IPO11: variants seen among roughly 807,000 people sequenced by gnomAD.
IPO11 encodes importin 11, also known as importin-11.
IPO11 carries 66 observed loss-of-function variants against 143.2 expected under a neutral mutation model. That is an observed-to-expected ratio of 0.46 (90% CI 0.38 to 0.57). The LOEUF (loss-of-function observed/expected upper bound fraction) is 0.57. Ranked by LOEUF, IPO11 falls within the 20% of genes least tolerant of loss-of-function variation. The pLI, the probability that IPO11 is intolerant of heterozygous loss-of-function variation, is 0.00. For missense variants in IPO11, 1,026 were observed against 1,141.0 expected (o/e 0.90, Z 1.45); for synonymous variants, 385 against 377.8 (o/e 1.02, Z -0.22).
intron 29 of IPO11, among the ~76,000 whole-genome samples, chr5:62,610,252 TTC>T (rs1446120298): frequency 6.6e-6 from 1 of 152,252 alleles, no homozygotes; most frequent in East Asian, 1.9e-4. Flanking sequence ...ATCTGATTAT[TTC>T]TTTTTTCCTT....
chr5:62,570,875 A>G (rs1744110245), intron 27 of IPO11, among the ~76,000 whole-genome samples: 1 of 152,244 alleles, frequency 6.6e-6, no homozygotes, highest in African/African-American at 2.4e-5. Context: ...CTGTGATCAA[A>G]TGAGATTATT....
chr5:62,619,892 G>A (rs1746284203), intron 29 of IPO11, among the ~76,000 whole-genome samples: 1 of 151,874 alleles, frequency 6.6e-6, no homozygotes, highest in Non-Finnish European at 1.5e-5. Flanking sequence ...ACATACCACT[G>A]GATAGTGAAT....
At chr5:62,579,731 A>G (rs1019343976) in intron 27 of IPO11, 7 of 1,547,846 alleles carry the variant, frequency 4.5e-6, no homozygotes, top group Non-Finnish European at 5.2e-6. Context: ...AACATTCTGT[A>G]TGTATATCCA....
At chr5:62,487,922 T>C (rs1746468470) in intron 13 of IPO11, 61 bp downstream of exon 13, 1 of 1,397,458 alleles carries the variant, frequency 7.2e-7, no homozygotes, top group African/African-American at 1.4e-5. Flanking sequence ...TAAGAAATAG[T>C]CTGAGTGCCT....
chr5:62,513,929 C>T (rs1308348435), intron 19 of IPO11, among the ~76,000 whole-genome samples: 39 of 136,964 alleles, frequency 2.8e-4, no homozygotes, highest in African/African-American at 8.8e-4. Context: ...GCGGCCGGGC[C>T]GAGGCGCTCC....
chr5:62,428,400 G>A (rs927968172), intron 1 of IPO11, among the ~76,000 whole-genome samples: 32 of 152,000 alleles, frequency 2.1e-4, no homozygotes, highest in Admixed American at 1.8e-3. Flanking sequence ...CTGGAGTGCC[G>A]TGGTGCGATC....
chr5:62,452,951 CTA>C (rs1317444727), intron 5 of IPO11, among the ~76,000 whole-genome samples: 1 of 150,538 alleles, frequency 6.6e-6, no homozygotes, highest in African/African-American at 2.5e-5. Context: ...TGAAGTCTCA[CTA>C]TGTTACCCAT....
At chr5:62,446,592 A>C (rs1242601649) in intron 3 of IPO11, among the ~76,000 whole-genome samples, 2 of 152,214 alleles carry the variant, frequency 1.3e-5, no homozygotes, top group Non-Finnish European at 2.9e-5. Context: ...TTATTTGCAC[A>C]TTTAAAAAAA....
intron 5 of IPO11, among the ~76,000 whole-genome samples, chr5:62,459,904 ATTG>A (rs1745296821): frequency 6.6e-6 from 1 of 152,208 alleles, no homozygotes; most frequent in Non-Finnish European, 1.5e-5. Context: ...CTTTTTAGTT[ATTG>A]TTAAGAATAC....
At chr5:62,513,386 C>T (rs1442948045) in intron 19 of IPO11, among the ~76,000 whole-genome samples, 1 of 134,196 alleles carries the variant, frequency 7.5e-6, no homozygotes, top group African/African-American at 2.7e-5. Context: ...CCCTCCCGGA[C>T]GGGGCGGCTG....
At chr5:62,598,553 CTTTTTTTTT>C (rs1321125709) in intron 28 of IPO11, among the ~76,000 whole-genome samples, 4 of 8,092 alleles carry the variant, frequency 4.9e-4, no homozygotes, top group African/African-American at 4.6e-3. Context: ...TCTTTTCTTT[CTTTTTTTTT>C]TTTATGGAGT....
chr5:62,437,507 G>A, intron 2 of IPO11, 90 bp downstream of exon 2: 2 of 1,149,862 alleles, frequency 1.7e-6, no homozygotes, highest in South Asian at 3.5e-5. Context: ...TGGTAGTTTA[G>A]TGAAATAGAT....
chr5:62,532,218 G>A (rs1206169305), intron 22 of IPO11, among the ~76,000 whole-genome samples: 1 of 152,102 alleles, frequency 6.6e-6, no homozygotes, highest in East Asian at 1.9e-4. Context: ...GATGGGAGAG[G>A]GATTGGTAAC....
chr5:62,625,352 A>G (rs942925513), intron 29 of IPO11, among the ~76,000 whole-genome samples: 3 of 152,352 alleles, frequency 2.0e-5, no homozygotes, highest in African/African-American at 7.2e-5. Context: ...ACACACTTCA[A>G]CTAGAACCAT....
chr5:62,435,082 G>A (rs1261345265), intron 1 of IPO11, among the ~76,000 whole-genome samples: 2 of 94,504 alleles, frequency 2.1e-5, no homozygotes, highest in African/African-American at 9.2e-5. Context: ...GTATATATAT[G>A]TGTATATATG....
chr5:62,474,453 T>A lies in IPO11; in HGVS notation c.746T>A (p.Phe249Tyr). 1 of 1,578,270 alleles carries A rather than the reference T, an allele frequency of 6.3e-7. No individual in the cohort carries two copies. Among genetic ancestry groups the A allele is most frequent in the Non-Finnish European group, 8.6e-7 (1 of 1,165,986 alleles). The change falls in exon 8 of 30, where the codon TTT becomes TAT. Residue 249 changes from phenylalanine (F) to tyrosine (Y), a missense_variant. Physicochemically the swap from Phe to Tyr is conservative, Grantham distance 22. Around this residue, in one of 5 missense-constraint regions of IPO11, gnomAD observed 429 missense variants for 456.3 expected, o/e 0.94. Transcript: ENST00000325324. ...GGAATATTTGAACGTCTAAAACAGT[T>A]TCTGGAATGCAGTAAGTACTTTCGT... is the stretch of plus-strand genomic sequence containing the variant. The part of the protein sequence containing the change: ...LHGIFERLKQ[F>Y]LECSRSIGTD...
Position 62,622,666 on chromosome 5 carries a change from A to G in IPO11, c.2764-4488A>G, listed in dbSNP as rs149646188. On this transcript the variant is annotated intron_variant, in intron 29 of 29. Transcript: ENST00000325324. ...TTACTCTCAGAGATTTAAATAAAGC[A>G]CACTGCAGTAAAGGCATACTAGAGT... Among the ~76,000 whole-genome samples, 501 of 152,328 alleles carry G rather than the reference A, an allele frequency of 3.3e-3. 3 individuals are homozygous for G. Among genetic ancestry groups the G allele is most frequent in the African/African-American group, 0.011 (477 of 41,578 alleles).
chr5:62,490,318 A>T (rs751901032), intron 15 of IPO11, 98 bp downstream of exon 15: 1 of 682,662 alleles, frequency 1.5e-6, no homozygotes, highest in African/African-American at 1.9e-5. Flanking sequence ...AATTTAAAAA[A>T]TGCAATCGTA....
intron 27 of IPO11, among the ~76,000 whole-genome samples, chr5:62,563,639 A>T (rs1355907541): frequency 6.6e-6 from 1 of 152,210 alleles, no homozygotes; most frequent in Non-Finnish European, 1.5e-5. Context: ...ATGGGACTCA[A>T]GTCTAAATGT....
Sources: allele counts gnomAD v4.1 joint callset (sites outside exome capture counted in the v4.1 genomes callset), GRCh38; gene constraint gnomAD v4.1.1; regional missense constraint gnomAD v4.1.1; transcripts MANE v1.5; gene names NCBI Gene and HGNC (gene_info 2026-07-23, HGNC 2026-07-21).